The following BRCA2 variants were observed in gnomAD, a reference collection of about 807,000 sequenced individuals.
The protein encoded by BRCA2 is BRCA2 DNA repair associated.
A neutral mutation model predicts 276.7 loss-of-function variants in BRCA2; 203 were observed. The ratio of observed to expected loss-of-function variants is 0.73; its 90% CI spans 0.65 to 0.82. The LOEUF (loss-of-function observed/expected upper bound fraction) is 0.82, where lower values mean the gene tolerates loss of function less well. Ranked by LOEUF, BRCA2 falls within the 40% of genes least tolerant of loss-of-function variation. The probability of loss-of-function intolerance (pLI) is 0.00; values close to 1 mark genes in which losing one functional copy is unlikely to be tolerated. For missense variants in BRCA2, 3,920 were observed against 3,915.0 expected (o/e 1.00, Z -0.03); for synonymous variants, 1,289 against 1,338.4 (o/e 0.96, Z 0.81).
chr13:32,367,764 C>T (rs553648245), intron 18 of BRCA2, among the ~76,000 whole-genome samples: 66 of 149,962 alleles, frequency 4.4e-4, no homozygotes, highest in African/African-American at 1.4e-3. Flanking sequence ...TACTGCACTT[C>T]AGCCTGGGTG....
rs864622312 is a variant in BRCA2, at chr13:32,326,550, C to T, written c.568C>T (p.Pro190Ser). Residue 190 changes from proline (P) to serine (S), a missense_variant, in exon 7 of 27, where the codon CCT becomes TCT. Physicochemically the swap from Pro to Ser is moderately conservative, Grantham distance 74. Around this residue, in one of 2 missense-constraint regions of BRCA2, gnomAD observed 3,263 missense variants for 3,156.9 expected, o/e 1.03. Transcript: ENST00000380152. Reference protein sequence around the residue: ...ISESLGAEVDPDMSWSSSLAT... With the variant: ...ISESLGAEVDSDMSWSSSLAT... The stretch of plus-strand genomic sequence containing the variant: ...TGAAAGTCTAGGAGCTGAGGTGGAT[C>T]CTGATATGTCTTGGTCAAGTTCTTT... 2 of 1,614,022 alleles carry T rather than the reference C, an allele frequency of 1.2e-6. No homozygotes were observed. Among genetic ancestry groups the T allele is most frequent in the South Asian group, 2.2e-5 (2 of 91,078 alleles).
At chr13:32,370,669 G>A (rs778685254) in intron 19 of BRCA2, 112 bp downstream of exon 19, 32 of 1,229,544 alleles carry the variant, frequency 2.6e-5, no homozygotes, top group African/African-American at 4.5e-5. Flanking sequence ...GTGCAATGGC[G>A]TGATCTTGGT....
intron 13 of BRCA2, among the ~76,000 whole-genome samples, chr13:32,347,997 A>G (rs182269202): frequency 6.6e-5 from 10 of 152,316 alleles, no homozygotes; most frequent in African/African-American, 2.2e-4. Flanking sequence ...CCTAGAGGAA[A>G]TCGACTATGA....
rs775531301 is a variant in BRCA2, at chr13:32,336,909, A to C, written c.2554A>C (p.Asn852His). 3 of 1,607,762 alleles carry C rather than the reference A, an allele frequency of 1.9e-6. No homozygotes were observed. Among genetic ancestry groups the C allele is most frequent in the Middle Eastern group, 3.3e-4 (2 of 6,034 alleles). Residue 852 changes from asparagine (N) to histidine (H), a missense_variant, in exon 11 of 27, where the codon AAC becomes CAC. Asn to His is a moderately conservative substitution (Grantham distance 68). Coordinates refer to ENST00000380152, the MANE Select transcript of BRCA2 (RefSeq NM_000059.4). Reference protein sequence around the residue: ...VASPSRKVQFNQNTNLRVIQK... With the variant: ...VASPSRKVQFHQNTNLRVIQK... ...ATCACCTTCAAGAAAGGTACAATTCAACCAAAACACAAATCTAAGAGTAAT... is the reference window on the plus strand; with the variant it reads ...ATCACCTTCAAGAAAGGTACAATTCCACCAAAACACAAATCTAAGAGTAAT...
chr13:32,363,853 ATTAGAGAATTACAT>A (rs1329330571), intron 18 of BRCA2, among the ~76,000 whole-genome samples: 5 of 152,160 alleles, frequency 3.3e-5, no homozygotes, highest in African/African-American at 1.2e-4. Context: ...TCCACTCTGG[ATTAGAGAATTACAT>A]TTTAGTACTT....
At chr13:32,323,770 G>A (rs1478766736) in intron 3 of BRCA2, among the ~76,000 whole-genome samples, 1 of 152,172 alleles carries the variant, frequency 6.6e-6, no homozygotes, top group Admixed American at 6.5e-5. Flanking sequence ...TATTTTCTAA[G>A]AGTAATAATA....
chr13:32,327,119 C>T (rs777680444), intron 7 of BRCA2, among the ~76,000 whole-genome samples: 10 of 152,232 alleles, frequency 6.6e-5, no homozygotes, highest in Non-Finnish European at 1.2e-4. Context: ...TCTTTGCAGT[C>T]TCACCACAGT....
rs1244221685 is a variant in BRCA2 at position 32,396,902 on chromosome 13, T to C, written c.9506T>C (p.Ile3169Thr). ...CTTTTCCACTTATTTTCTTAGAATA[T>C]TGACATACTTTGCAATGAAGCAGAA... ...FNKMKNTVEN[I>T]DILCNEAENK... The change falls in exon 26 of 27, where the codon ATT becomes ACT. Residue 3169 changes from isoleucine to threonine, a missense_variant. Physicochemically the swap from Ile to Thr is moderately conservative, Grantham distance 89. This residue lies in a region of BRCA2 where 657 missense variants were observed against 758.2 expected (regional missense o/e 0.87). Transcript: ENST00000380152. The C allele has an allele frequency of 1.2e-6, 2 of 1,614,132 alleles. No individual in the cohort carries two copies. The highest frequency in any genetic ancestry group is 2.2e-5 in the East Asian group (1 of 44,868).
chr13:32,324,987 G>A (rs2137445533), intron 3 of BRCA2, 89 bp from the exon 4 acceptor site: 2 of 890,580 alleles, frequency 2.2e-6, no homozygotes, highest in Non-Finnish European at 3.6e-6. Flanking sequence ...CCAGTATAGA[G>A]GAGACTTTTT....
At chr13:32,327,123 CCA>C (rs2072355736) in intron 7 of BRCA2, among the ~76,000 whole-genome samples, 1 of 152,200 alleles carries the variant, frequency 6.6e-6, no homozygotes, top group Non-Finnish European at 1.5e-5. Flanking sequence ...TGCAGTCTCA[CCA>C]CAGTTTCTCT....
chr13:32,379,344 G>A lies in BRCA2; in HGVS notation c.8782G>A (p.Ala2928Thr), dbSNP rs587781762. The change falls in exon 22 of 27, where the codon GCC becomes ACC. Residue 2928 changes from alanine (A) to threonine (T), a missense_variant. Transcript: ENST00000380152. Reference sequence around the variant, plus strand: ...TTATTTCAGTGAAGAGCAGTTAAGAGCCTTGAATAATCACAGGCAAATGTT... The same window carrying A: ...TTATTTCAGTGAAGAGCAGTTAAGAACCTTGAATAATCACAGGCAAATGTT... ...EGYFSEEQLR[A>T]LNNHRQMLND... 6.2e-7 allele frequency: 1 copy of A among 1,613,778 alleles called. No individual in the cohort carries two copies. The highest frequency in any genetic ancestry group is 8.5e-7 in the Non-Finnish European group (1 of 1,179,844).
intron 13 of BRCA2, among the ~76,000 whole-genome samples, chr13:32,350,589 A>T (rs1448858504): frequency 1.3e-5 from 2 of 151,970 alleles, no homozygotes; most frequent in Admixed American, 1.3e-4. Flanking sequence ...CTCTACTAAA[A>T]ATAACAAAAC....
chr13:32,347,910 T>G (rs2072622433), intron 13 of BRCA2, among the ~76,000 whole-genome samples: 1 of 152,080 alleles, frequency 6.6e-6, no homozygotes, highest in Non-Finnish European at 1.5e-5. Context: ...GAAAAGATAG[T>G]CAAAGATAAC....
chr13:32,325,282 G>T lies in BRCA2; in HGVS notation c.425+98G>T, dbSNP rs1269865442. On this transcript the variant is annotated intron_variant, in intron 4 of 26. Coordinates refer to ENST00000380152, the MANE Select transcript of BRCA2 (RefSeq NM_000059.4). The stretch of plus-strand genomic sequence containing the variant: ...ATCTGATTTTTATGCTAATATTTTG[G>T]CTAAGAGCCTGGTAGAAGATCTTAC... The T allele has an allele frequency of 4.2e-6, 4 of 942,430 alleles. No individual in the cohort carries two copies. In the Admixed American group the frequency reaches 6.7e-5, roughly 16 times the overall value. The allele number at this position is 942,430 out of a possible 1,614,324, so 58.4% of individuals were successfully genotyped here.
intron 24 of BRCA2, among the ~76,000 whole-genome samples, chr13:32,382,343 T>C (rs1238861892): frequency 2.0e-5 from 3 of 152,132 alleles, no homozygotes; most frequent in Admixed American, 6.5e-5. Context: ...CAAGACCTGA[T>C]TGAAGCCTTT....
At chr13:32,377,046 CTTGT>C (rs1469823621) in intron 21 of BRCA2, among the ~76,000 whole-genome samples, 1 of 152,136 alleles carries the variant, frequency 6.6e-6, no homozygotes, top group Non-Finnish European at 1.5e-5. Flanking sequence ...GCAGGCAAAA[CTTGT>C]TTTATTTTTG....
At position 32,396,878 on chromosome 13, in the gene BRCA2, T is replaced by A. The variant is rs190307229; in HGVS notation, c.9502-20T>A. On this transcript the variant is annotated intron_variant, in intron 25 of 26. Transcript: ENST00000380152. The stretch of plus-strand genomic sequence containing the variant: ...GTGGGTTTGCAATTTATAAAGCAGC[T>A]TTTCCACTTATTTTCTTAGAATATT... 6.2e-7 allele frequency: 1 copy of A among 1,613,902 alleles called. No homozygotes were observed. The highest frequency in any genetic ancestry group is 8.5e-7 in the Non-Finnish European group (1 of 1,179,852).
rs763287077 is a variant in BRCA2, at chr13:32,376,675, A to G, written c.8638A>G (p.Thr2880Ala). 1 of 1,614,162 alleles carries G rather than the reference A, an allele frequency of 6.2e-7. No individual in the cohort carries two copies. The highest frequency in any genetic ancestry group is 1.1e-5 in the South Asian group (1 of 91,086). Reference sequence around the variant, plus strand: ...TAATCCTTTTGTTTTCTTAGAAAACACAACAAAACCATATTTACCATCACG... The same window carrying G: ...TAATCCTTTTGTTTTCTTAGAAAACGCAACAAAACCATATTTACCATCACG... ...QEEFEEHEEN[T>A]TKPYLPSRAL... Residue 2880 changes from threonine (T) to alanine (A), a missense_variant, in exon 21 of 27, where the codon ACA becomes GCA. Around this residue, in one of 2 missense-constraint regions of BRCA2, gnomAD observed 657 missense variants for 758.2 expected, o/e 0.87. Coordinates refer to ENST00000380152, the MANE Select transcript of BRCA2 (RefSeq NM_000059.4).
At chr13:32,325,904 T>C (rs887156711) in intron 4 of BRCA2, among the ~76,000 whole-genome samples, 197 bp from the exon 5 acceptor site, 5 of 152,204 alleles carry the variant, frequency 3.3e-5, no homozygotes, top group Non-Finnish European at 7.3e-5. Context: ...TGAGTACATA[T>C]GTGTTGGCAT....
Sources: gnomAD v4.1 joint callset for allele counts (sites outside exome capture counted in the v4.1 genomes callset) on GRCh38, gnomAD v4.1.1 for gene constraint, gnomAD v4.1.1 regional missense constraint, MANE v1.5 for transcripts, NCBI Gene and HGNC (gene_info 2026-07-23, HGNC 2026-07-21) for gene names.